Variants in DPYSL2 observed in about 807,000 individuals in gnomAD.
DPYSL2 encodes the protein dihydropyrimidinase like 2.
DPYSL2 carries 13 observed loss-of-function variants against 69.9 expected under a neutral mutation model. The ratio of observed to expected loss-of-function variants is 0.19; its 90% CI spans 0.12 to 0.30. DPYSL2 has a LOEUF of 0.30. Among genes scored for constraint, DPYSL2 ranks in the 10% least tolerant of loss-of-function variants. DPYSL2 has a pLI of 1.00. For synonymous variants in DPYSL2, 326 were observed against 359.1 expected (o/e 0.91, Z 1.04); for missense variants, 587 against 918.9 (o/e 0.64, Z 4.67).
intron 11 of DPYSL2, among the ~76,000 whole-genome samples, chr8:26,649,134 A>C (rs564955796): frequency 4.3e-4 from 66 of 152,336 alleles, no homozygotes; most frequent in African/African-American, 1.3e-3. Flanking sequence ...TGGTATTATT[A>C]TCCCAATTTG....
At chr8:26,646,283 A>C (rs537953987) in intron 10 of DPYSL2, among the ~76,000 whole-genome samples, 14 of 152,148 alleles carry the variant, frequency 9.2e-5, no homozygotes, top group Middle Eastern at 3.4e-3. Flanking sequence ...AATTTCTACA[A>C]GTGGCATTGC....
In DPYSL2 at chr8:26,514,535, C is replaced by G. The variant is rs1287625196; in HGVS notation, c.210C>G (p.Asp70Glu). 1 of 1,529,452 alleles carries G rather than the reference C, an allele frequency of 6.5e-7. No individual in the cohort carries two copies. The highest frequency in any genetic ancestry group is 1.2e-5 in the South Asian group (1 of 82,740). 94.7% of individuals were successfully genotyped at this position (1,529,452 alleles called of 1,614,324 possible). ...GGCAGGTGGTGGCTCAGCAGCGGGA[C>G]GTCGCCCACTTGGGCCCGGACCCGC... The part of the protein sequence containing the change: ...GSGQVVAQQR[D>E]VAHLGPDPQP... The change falls in exon 1 of 14, where the codon GAC becomes GAG. Residue 70 changes from aspartate (D) to glutamate (E), a missense_variant. Asp to Glu is a conservative substitution (Grantham distance 45). This residue lies in a region of DPYSL2 where 85 missense variants were observed against 77.7 expected (regional missense o/e 1.09). Transcript: ENST00000521913. This position sits in a 1 kb window ranked among gnomAD's most constrained non-coding sequence, Gnocchi z 8.4.
At chr8:26,631,701 T>C (rs1802778473) in intron 7 of DPYSL2, among the ~76,000 whole-genome samples, 1 of 152,124 alleles carries the variant, frequency 6.6e-6, no homozygotes, top group Non-Finnish European at 1.5e-5. Context: ...TCAGCTGATT[T>C]AGAGGCCCCT....
intron 3 of DPYSL2, among the ~76,000 whole-genome samples, chr8:26,603,113 G>C (rs1802029693): frequency 6.6e-6 from 1 of 151,898 alleles, no homozygotes; most frequent in Non-Finnish European, 1.5e-5. Context: ...TGCTAGCTGG[G>C]CAAGTGACTT....
In DPYSL2 at chr8:26,624,123, AT is replaced by A. The variant is rs748893264; in HGVS notation, c.629-19del. On this transcript the variant is annotated intron_variant, in intron 3 of 13. Transcript: ENST00000521913. This position sits in a 1 kb window ranked among gnomAD's most constrained non-coding sequence, Gnocchi z 4.7. ...CCTTGAGGCTCTTGGTGATGATGAC[AT>A]ATGTCTGTTTCTTTCTAGTTGACCA... 4 of 1,613,918 alleles carry A rather than the reference AT, an allele frequency of 2.5e-6. No individual in the cohort carries two copies. Among genetic ancestry groups the A allele is most frequent in the Non-Finnish European group, 2.5e-6 (3 of 1,179,900 alleles).
intron 8 of DPYSL2, among the ~76,000 whole-genome samples, chr8:26,639,142 G>A (rs1802986102): frequency 6.6e-6 from 1 of 152,228 alleles, no homozygotes; most frequent in Admixed American, 6.5e-5. Flanking sequence ...AGAAGCACAT[G>A]GTCGCAGGGC....
At chr8:26,632,022 G>T (rs1802788178) in intron 7 of DPYSL2, among the ~76,000 whole-genome samples, 1 of 152,192 alleles carries the variant, frequency 6.6e-6, no homozygotes, top group South Asian at 2.1e-4. Context: ...TCTGTAGTTT[G>T]GTGACCTATC....
At chr8:26,529,519 G>A (rs531434152) in intron 1 of DPYSL2, among the ~76,000 whole-genome samples, 1 of 151,792 alleles carries the variant, frequency 6.6e-6, no homozygotes, top group African/African-American at 2.4e-5. Flanking sequence ...GCCTCATTTT[G>A]TTCTCCAGGC....
Position 26,621,500 on chromosome 8 carries a change from T to C in DPYSL2, c.629-2643T>C, listed in dbSNP as rs1802481458. 6.6e-6 allele frequency among the ~76,000 whole-genome samples: 1 copy of C among 152,176 alleles called. No individual in the cohort carries two copies. The highest frequency in any genetic ancestry group is 1.5e-5 in the Non-Finnish European group (1 of 68,036). Reference sequence around the variant, plus strand: ...GGAATGTGAGAGCCAGAAGGAAATATTCCATCACTTATTTAGAGCATTCAT... The same window carrying C: ...GGAATGTGAGAGCCAGAAGGAAATACTCCATCACTTATTTAGAGCATTCAT... On this transcript the variant is annotated intron_variant, in intron 3 of 13. Transcript: ENST00000521913. This position sits in a 1 kb window ranked among gnomAD's most constrained non-coding sequence, Gnocchi z 4.9.
In DPYSL2 at chr8:26,626,985, C is replaced by T. The variant is rs1055217474; in HGVS notation, c.856-230C>T. 2.6e-5 allele frequency among the ~76,000 whole-genome samples: 4 copies of T among 152,200 alleles called. No individual in the cohort carries two copies. Among genetic ancestry groups the T allele is most frequent in the Non-Finnish European group, 5.9e-5 (4 of 68,040 alleles). On this transcript the variant is annotated intron_variant, in intron 5 of 13. Coordinates refer to ENST00000521913, the MANE Select transcript of DPYSL2 (RefSeq NM_001197293.3). This position sits in a 1 kb window ranked among gnomAD's most constrained non-coding sequence, Gnocchi z 4.3. ...GTGTCACCCAAGAGCTTCTCACTCC[C>T]GGTCCACGTCCTGCTAAGTTGTACT...
At chr8:26,572,087 T>C (rs770670386) in intron 1 of DPYSL2, among the ~76,000 whole-genome samples, 2 of 152,168 alleles carry the variant, frequency 1.3e-5, no homozygotes, top group Admixed American at 6.5e-5. Context: ...ACTCTGGGCA[T>C]TGGGGATTTT....
chr8:26,557,881 G>GT (rs899641149), intron 1 of DPYSL2, among the ~76,000 whole-genome samples: 20 of 151,848 alleles, frequency 1.3e-4, no homozygotes, highest in African/African-American at 4.8e-4. Context: ...TTCATGTGTA[G>GT]TGGCATCTCA....
Position 26,626,492 on chromosome 8 carries a change from C to CAA in DPYSL2, c.794-124_794-123insAA. 9.4e-6 allele frequency: 3 copies of CAA among 318,262 alleles called. No homozygotes were observed. The East Asian group carries it at 1.2e-4, about 13-fold the overall frequency. The allele number at this position is 318,262 out of a possible 1,614,324, so 19.7% of individuals were successfully genotyped here. A position where few individuals can be genotyped will look rare whatever the true frequency, so the allele number is the denominator to read the frequency against. On this transcript the variant is annotated intron_variant, in intron 4 of 13. Transcript: ENST00000521913. The surrounding 1 kb of genome is among the most constrained non-coding windows in gnomAD (Gnocchi z 4.3). ...CTTTCTCTGTACTGAAACACACACA[C>CAA]ACACACACACACACACACACACACA...
At chr8:26,595,557 G>C (rs1045873668) in intron 3 of DPYSL2, among the ~76,000 whole-genome samples, 1 of 152,182 alleles carries the variant, frequency 6.6e-6, no homozygotes, top group Non-Finnish European at 1.5e-5. Flanking sequence ...TTGTCTGCTA[G>C]GGGGGTTGCA....
chr8:26,532,621 C>T (rs1800529486), intron 1 of DPYSL2, among the ~76,000 whole-genome samples: 2 of 152,144 alleles, frequency 1.3e-5, no homozygotes, highest in Non-Finnish European at 2.9e-5. Flanking sequence ...GAAACATATA[C>T]TATGTGGTCT....
chr8:26,647,940 T>C lies in DPYSL2; in HGVS notation c.1596+140T>C. 1 of 1,018,868 alleles carries C rather than the reference T, an allele frequency of 9.8e-7. No individual in the cohort carries two copies. Among genetic ancestry groups the C allele is most frequent in the Middle Eastern group, 2.1e-4 (1 of 4,652 alleles). 63.1% of individuals were successfully genotyped at this position (1,018,868 alleles called of 1,614,324 possible). ...GACTGAGGATGTTATGATTTGCAAT[T>C]TGCTGGGAAAAGAATAGTTATTTCA... On this transcript the variant is annotated intron_variant, in intron 11 of 13. Coordinates refer to ENST00000521913, the MANE Select transcript of DPYSL2 (RefSeq NM_001197293.3). This position sits in a 1 kb window ranked among gnomAD's most constrained non-coding sequence, Gnocchi z 5.1.
Position 26,623,349 on chromosome 8 carries a change from A to G in DPYSL2, c.629-794A>G, listed in dbSNP as rs140604951. ...GGGAAGTCATTGGAGGATTTAAATC[A>G]GGGAATGACATAAGATTGATGGATA... On this transcript the variant is annotated intron_variant, in intron 3 of 13. Coordinates refer to ENST00000521913, the MANE Select transcript of DPYSL2 (RefSeq NM_001197293.3). Among the ~76,000 whole-genome samples, 214 of 152,328 alleles carry G rather than the reference A, an allele frequency of 1.4e-3. 1 individual carries two copies. The highest frequency in any genetic ancestry group is 4.9e-3 in the African/African-American group (204 of 41,578).
chr8:26,532,783 G>C (rs1274762076), intron 1 of DPYSL2, among the ~76,000 whole-genome samples: 3 of 152,178 alleles, frequency 2.0e-5, no homozygotes, highest in Non-Finnish European at 4.4e-5. Flanking sequence ...TTGACAGGTA[G>C]TTGGGTTGTT....
chr8:26,523,752 C>T (rs1808430091), intron 1 of DPYSL2, among the ~76,000 whole-genome samples: 1 of 152,094 alleles, frequency 6.6e-6, no homozygotes, highest in Non-Finnish European at 1.5e-5. Flanking sequence ...CCTCAAACTC[C>T]TGGGCTCAAG....
Sources: gnomAD v4.1 joint callset for allele counts (sites outside exome capture counted in the v4.1 genomes callset) on GRCh38, gnomAD v4.1.1 for gene constraint, gnomAD v4.1.1 regional missense constraint, Gnocchi (gnomAD v3.1) non-coding constraint, MANE v1.5 for transcripts, NCBI Gene and HGNC (gene_info 2026-07-23, HGNC 2026-07-21) for gene names.